Variants in AZIN2 observed in about 807,000 individuals in gnomAD.
The protein encoded by AZIN2 is ODC antizyme inhibitor-2.
Under a neutral mutation model 47.8 loss-of-function variants are expected in AZIN2, and 28 were observed. The observed-to-expected ratio is 0.59, with a 90% CI of 0.43 to 0.80. AZIN2 has a LOEUF of 0.80. Among genes scored for constraint, AZIN2 ranks in the 30% least tolerant of loss-of-function variants. The probability of loss-of-function intolerance (pLI) is 0.00; values close to 1 mark genes in which losing one functional copy is unlikely to be tolerated. For synonymous variants in AZIN2, 221 were observed against 239.4 expected (o/e 0.92, Z 0.71); for missense variants, 535 against 582.5 (o/e 0.92, Z 0.84).
chr1:33,098,825 G>A (rs1413244570), intron 10 of AZIN2, among the ~76,000 whole-genome samples: 1 of 151,800 alleles, frequency 6.6e-6, no homozygotes, highest in African/African-American at 2.4e-5. Context: ...GTGCAGTGGT[G>A]TGATCTCGGC....
chr1:33,142,348 A>G, the AZIN2 span: 3 of 152,320 alleles, frequency 2.0e-5, no homozygotes, highest in Admixed American at 6.5e-5. Context: ...TGCTGCCAAG[A>G]GAATGTATCT....
chr1:33,106,924 A>T (rs1557708627), intron 10 of AZIN2, among the ~76,000 whole-genome samples: 1 of 152,210 alleles, frequency 6.6e-6, no homozygotes, highest in South Asian at 2.1e-4. Context: ...AGGAAGAAAT[A>T]AAAGTCATCC....
Position 33,123,456 on chromosome 1 carries a change from T to A in AZIN2, c.*3274T>A, listed in dbSNP as rs777547016. ...CTGGATGGGCAAATGAATAAACATG[T>A]CTGAATCTGTCTGAATAAACATGCT... is the stretch of plus-strand genomic sequence containing the variant. On this transcript the variant is annotated 3_prime_UTR_variant, in exon 12 of 12. Coordinates refer to ENST00000294517, the MANE Select transcript of AZIN2 (RefSeq NM_052998.4). Among the ~76,000 whole-genome samples, 7 of 152,194 alleles carry A rather than the reference T, an allele frequency of 4.6e-5. No homozygotes were observed. Among genetic ancestry groups the A allele is most frequent in the Non-Finnish European group, 1.0e-4 (7 of 68,022 alleles).
At chr1:33,114,054 T>C (rs370255869) in intron 10 of AZIN2, among the ~76,000 whole-genome samples, 59 of 152,258 alleles carry the variant, frequency 3.9e-4, no homozygotes, top group African/African-American at 1.3e-3. Flanking sequence ...ATTTTGGCCA[T>C]AGGGTTTTTT....
the AZIN2 span, chr1:33,147,032 T>A: frequency 5.0e-6 from 4 of 806,116 alleles, no homozygotes; most frequent in Non-Finnish European, 7.9e-6. This position sits in a 1 kb window ranked among gnomAD's most constrained non-coding sequence, Gnocchi z 8.1. Context: ...CAACCTCCAT[T>A]TTACAGACTG....
chr1:33,118,374 C>A (rs1644661984), intron 11 of AZIN2: 1 of 362,310 alleles, frequency 2.8e-6, no homozygotes, highest in Non-Finnish European at 4.9e-6. Context: ...GGTGGAAGTG[C>A]AGAGCCCTCC....
At chr1:33,165,193 TCCAC>T in the AZIN2 span, 1 of 335,552 alleles carries the variant, frequency 3.0e-6, no homozygotes, top group Non-Finnish European at 5.5e-6. This position sits in a 1 kb window ranked among gnomAD's most constrained non-coding sequence, Gnocchi z 4.0. Context: ...CGCCTCAACT[TCCAC>T]CCAAAGTGGG....
chr1:33,102,300 C>T (rs986020714), intron 10 of AZIN2, among the ~76,000 whole-genome samples: 5 of 152,162 alleles, frequency 3.3e-5, no homozygotes, highest in Non-Finnish European at 7.4e-5. Context: ...ATGTGTTTCC[C>T]GGAACTTCTT....
chr1:33,085,912 G>A (rs1184958426), intron 5 of AZIN2, among the ~76,000 whole-genome samples: 5 of 152,160 alleles, frequency 3.3e-5, no homozygotes, highest in African/African-American at 4.8e-5. Context: ...TTCTTCCTGC[G>A]GTGCCCTGGG....
At chr1:33,085,231 C>CA (rs113297919) in intron 5 of AZIN2, among the ~76,000 whole-genome samples, 5,484 of 78,218 alleles carry the variant, frequency 0.07, 165 homozygotes, top group Admixed American at 0.14. Flanking sequence ...AGCTTGTTTA[C>CA]AAAAAAAAAA....
the AZIN2 span, among the ~76,000 whole-genome samples, chr1:33,129,183 G>C: frequency 3.7e-4 from 57 of 152,260 alleles, no homozygotes; most frequent in Admixed American, 9.8e-4. The surrounding 1 kb of genome is among the most constrained non-coding windows in gnomAD (Gnocchi z 4.1). Flanking sequence ...GGCATATTAC[G>C]AAGAAGTGAT....
Position 33,082,211 on chromosome 1 carries a change from C to G in AZIN2, c.-39C>G. ...ATACTTTCTAAGGCGGCGGCTGCAGCAGCGGCTCCATCCAGCCCGTCAGCT... is the reference window on the plus strand; with the variant it reads ...ATACTTTCTAAGGCGGCGGCTGCAGGAGCGGCTCCATCCAGCCCGTCAGCT... On this transcript the variant is annotated 5_prime_UTR_variant, in exon 4 of 12. Transcript: ENST00000294517. 6.4e-7 allele frequency: 1 copy of G among 1,551,846 alleles called. No homozygotes were observed. The highest frequency in any genetic ancestry group is 1.7e-5 in the Admixed American group (1 of 59,568).
intron 10 of AZIN2, among the ~76,000 whole-genome samples, chr1:33,115,245 G>A (rs1466773197): frequency 1.3e-5 from 2 of 152,168 alleles, no homozygotes; most frequent in Non-Finnish European, 2.9e-5. Context: ...CTTTGTAAAT[G>A]AGGAACCCCC....
intron 3 of AZIN2, 121 bp from the exon 4 acceptor site, chr1:33,082,057 T>G (rs1223088725): frequency 1.7e-6 from 1 of 600,916 alleles, no homozygotes; most frequent in Non-Finnish European, 3.0e-6. Flanking sequence ...CCTTGCCCAG[T>G]GAACCCCGGG....
chr1:33,136,263 TTC>T, the AZIN2 span, among the ~76,000 whole-genome samples: 2 of 151,156 alleles, frequency 1.3e-5, no homozygotes, highest in African/African-American at 2.4e-5. Context: ...TTCTTTTTCT[TTC>T]TCTCTTTCTT....
At position 33,096,760 on chromosome 1, in the gene AZIN2, C is replaced by T. The variant is rs770585597; in HGVS notation, c.807C>T (p.Gly269=). Residue 269 remains glycine, a synonymous_variant, in exon 9 of 12, where the codon GGC becomes GGT. Transcript: ENST00000294517. ...ACCTGTACTTCCCAGAGGGCTGTGG[C>T]GTGGACATCTTTGCTGAGCTGGGGC... ...ALDLYFPEGC[G]VDIFAELGRY... is the part of the protein sequence containing the mutation. The T allele has an allele frequency of 8.1e-6, 13 of 1,614,094 alleles. No homozygotes were observed. Among genetic ancestry groups the T allele is most frequent in the Middle Eastern group, 1.6e-4 (1 of 6,084 alleles).
At chr1:33,096,567 G>A in intron 8 of AZIN2, 140 bp from the exon 9 acceptor site, 1 of 1,034,274 alleles carries the variant, frequency 9.7e-7, no homozygotes, top group Admixed American at 2.1e-5. Context: ...ACAGTTATCA[G>A]CTGGGGCCTT....
At position 33,122,445 on chromosome 1, in the gene AZIN2, G is replaced by A. The variant is rs1644812361; in HGVS notation, c.*2263G>A. ...GCAGAACTTGATGTGGCTTACTTGA[G>A]GATAATAGTTAATAGTCATTTTTTC... On this transcript the variant is annotated 3_prime_UTR_variant, in exon 12 of 12. Coordinates refer to ENST00000294517, the MANE Select transcript of AZIN2 (RefSeq NM_052998.4). Among the ~76,000 whole-genome samples the A allele has an allele frequency of 7.0e-6, 1 of 143,824 alleles. No homozygotes were observed. The highest frequency in any genetic ancestry group is 1.6e-5 in the Non-Finnish European group (1 of 63,570). The allele number at this position is 143,824 out of a possible 152,430, so 94.4% of individuals were successfully genotyped here.
At chr1:33,144,543 T>G in the AZIN2 span, among the ~76,000 whole-genome samples, 1 of 152,242 alleles carries the variant, frequency 6.6e-6, no homozygotes. Flanking sequence ...GCCCGACTGA[T>G]AGAACCTCTC....
Sources: gnomAD v4.1 joint callset for allele counts (sites outside exome capture counted in the v4.1 genomes callset) on GRCh38, gnomAD v4.1.1 for gene constraint, Gnocchi (gnomAD v3.1) non-coding constraint, MANE v1.5 for transcripts, NCBI Gene and HGNC (gene_info 2026-07-23, HGNC 2026-07-21) for gene names.